Variants in PCDHGB1 observed in about 807,000 individuals in gnomAD.
PCDHGB1 encodes the protein protocadherin gamma subfamily B, 1.
PCDHGB1 carries 34 observed loss-of-function variants against 56.6 expected under a neutral mutation model. The ratio of observed to expected loss-of-function variants is 0.60; its 90% CI spans 0.46 to 0.80. PCDHGB1 has a LOEUF of 0.80. Among genes scored for constraint, PCDHGB1 ranks in the 30% least tolerant of loss-of-function variants. The pLI, the probability that PCDHGB1 is intolerant of heterozygous loss-of-function variation, is 0.00. For missense variants in PCDHGB1, 1,278 were observed against 1,204.6 expected (o/e 1.06, Z -0.90); for synonymous variants, 561 against 505.9 (o/e 1.11, Z -1.46).
rs2099417733 is a variant in PCDHGB1, at chr5:141,477,771, G to C, written c.2410-17036G>C. ...ACCCCGGTCCTAGCCACCAACATCAGCGTGAACATATTTGTCACTGATCGC... is the reference window on the plus strand; with the variant it reads ...ACCCCGGTCCTAGCCACCAACATCACCGTGAACATATTTGTCACTGATCGC... On this transcript the variant is annotated intron_variant, in intron 1 of 3. Transcript: ENST00000523390. This position sits in a 1 kb window ranked among gnomAD's most constrained non-coding sequence, Gnocchi z 4.9. 3 of 1,613,992 alleles carry C rather than the reference G, an allele frequency of 1.9e-6. No homozygotes were observed. The highest frequency in any genetic ancestry group is 3.3e-4 in the Middle Eastern group (2 of 6,062).
chr5:141,358,686 G>T (rs896155075), intron 1 of PCDHGB1, among the ~76,000 whole-genome samples: 1 of 152,120 alleles, frequency 6.6e-6, no homozygotes, highest in Non-Finnish European at 1.5e-5. Flanking sequence ...TGCTTATCAT[G>T]ACATCACTAT....
At chr5:141,399,380 T>A (rs1361218028) in intron 1 of PCDHGB1, 5 of 1,613,820 alleles carry the variant, frequency 3.1e-6, no homozygotes, top group Non-Finnish European at 4.2e-6. Context: ...AATGTCACCA[T>A]CACAGCCACA....
chr5:141,372,455 G>C, intron 1 of PCDHGB1: 1 of 1,614,060 alleles, frequency 6.2e-7, no homozygotes, highest in Non-Finnish European at 8.5e-7. Flanking sequence ...CTCAGGCGGA[G>C]CTACAGTTTC....
In PCDHGB1 at chr5:141,370,457, G is replaced by T. The variant is rs774974710; in HGVS notation, c.2409+17788G>T. 2.5e-6 allele frequency: 4 copies of T among 1,611,872 alleles called. No homozygotes were observed. In the South Asian group the frequency reaches 4.4e-5, roughly 18 times the overall value. ...AGAGGCGAATGCTATTTCTCTTCCT[G>T]CTCTCTTTGTTAGACCAGGCTCTCT... On this transcript the variant is annotated intron_variant, in intron 1 of 3. Transcript: ENST00000523390.
At chr5:141,384,411 T>C (rs751134591) in intron 1 of PCDHGB1, 7 of 1,613,860 alleles carry the variant, frequency 4.3e-6, no homozygotes, top group South Asian at 1.1e-5. Flanking sequence ...TGTCCTCCTA[T>C]GTCTCCATAA....
At chr5:141,388,274 G>A (rs1340999969) in intron 1 of PCDHGB1, 1 of 1,590,544 alleles carries the variant, frequency 6.3e-7, no homozygotes, top group African/African-American at 1.5e-5. Context: ...ATGACCACAC[G>A]CCAAAATTCA....
At chr5:141,360,845 A>G in intron 1 of PCDHGB1, 2 of 1,614,014 alleles carry the variant, frequency 1.2e-6, no homozygotes, top group Non-Finnish European at 1.7e-6. Context: ...GATGCCAACG[A>G]TAACCCTCCA....
chr5:141,400,007 C>G (rs907315450), intron 1 of PCDHGB1: 2 of 1,612,506 alleles, frequency 1.2e-6, no homozygotes, highest in African/African-American at 1.3e-5. Flanking sequence ...ACAGCGCGTG[C>G]CTTGGGCGAC....
chr5:141,359,485 A>G (rs1761228046), intron 1 of PCDHGB1, among the ~76,000 whole-genome samples: 2 of 151,316 alleles, frequency 1.3e-5, no homozygotes, highest in Non-Finnish European at 2.9e-5. Flanking sequence ...TTGTATATTC[A>G]TATTACGGAC....
At chr5:141,507,676 A>G (rs2099862523) in intron 3 of PCDHGB1, among the ~76,000 whole-genome samples, 1 of 152,252 alleles carries the variant, frequency 6.6e-6, no homozygotes, top group African/African-American at 2.4e-5. Flanking sequence ...TCCAGATGTT[A>G]AAAACAGAAA....
chr5:141,371,092 C>A, intron 1 of PCDHGB1: 1 of 1,613,802 alleles, frequency 6.2e-7, no homozygotes, highest in Non-Finnish European at 8.5e-7. Context: ...GTAATTGTCG[C>A]AGATGCAAAT....
intron 1 of PCDHGB1, chr5:141,361,229 T>C: frequency 6.2e-7 from 1 of 1,613,992 alleles, no homozygotes. Flanking sequence ...CCAGGAACAG[T>C]GATCGCCTTG....
chr5:141,383,170 G>A (rs1453801684), intron 1 of PCDHGB1: 2 of 1,614,008 alleles, frequency 1.2e-6, no homozygotes, highest in African/African-American at 2.7e-5. Flanking sequence ...GGGCAGGATA[G>A]ACCGGGAAGA....
intron 1 of PCDHGB1, chr5:141,402,911 C>T: frequency 1.3e-6 from 2 of 1,551,976 alleles, no homozygotes; most frequent in South Asian, 1.2e-5. Context: ...TGAAGCAGCG[C>T]GCACAGAGAT....
chr5:141,350,418 G>A lies in PCDHGB1; in HGVS notation c.158G>A (p.Gly53Glu), dbSNP rs895622982. 1.2e-6 allele frequency: 2 copies of A among 1,606,624 alleles called. No individual in the cohort carries two copies. Among genetic ancestry groups the A allele is most frequent in the Non-Finnish European group, 1.7e-6 (2 of 1,174,160 alleles). ...GTGGGGAAACTTGCCAAGGATCTGG[G>A]GCTCAGTGTCCGGGAGTTGCCAACT... Reference protein sequence around the residue: ...SRVGKLAKDLGLSVRELPTRK... With the variant: ...SRVGKLAKDLELSVRELPTRK... The change falls in exon 1 of 4, where the codon GGG becomes GAG. Residue 53 changes from glycine (G) to glutamate (E), a missense_variant. Physicochemically the swap from Gly to Glu is moderately conservative, Grantham distance 98. Coordinates refer to ENST00000523390, the MANE Select transcript of PCDHGB1 (RefSeq NM_018922.3).
chr5:141,408,061 G>C, intron 1 of PCDHGB1: 1 of 1,332,898 alleles, frequency 7.5e-7, no homozygotes, highest in Non-Finnish European at 1.0e-6. Flanking sequence ...CCTCCCGGCT[G>C]CGCAGACCTT....
At chr5:141,376,364 G>T in intron 1 of PCDHGB1, 1 of 1,614,202 alleles carries the variant, frequency 6.2e-7, no homozygotes, top group Non-Finnish European at 8.5e-7. Flanking sequence ...CTCACTCACT[G>T]CAGACTCGCG....
intron 1 of PCDHGB1, among the ~76,000 whole-genome samples, chr5:141,467,772 C>A (rs972304213): frequency 1.3e-5 from 2 of 151,686 alleles, no homozygotes; most frequent in Admixed American, 6.6e-5. Flanking sequence ...AGTGCCCGCA[C>A]CTCAGCCTCT....
At chr5:141,414,435 C>G (rs891322256) in intron 1 of PCDHGB1, 2 of 1,613,678 alleles carry the variant, frequency 1.2e-6, no homozygotes, top group African/African-American at 1.3e-5. Context: ...AACAGGTATC[C>G]TCTTACAATA....
Sources: gnomAD v4.1 joint callset for allele counts (sites outside exome capture counted in the v4.1 genomes callset) on GRCh38, gnomAD v4.1.1 for gene constraint, Gnocchi (gnomAD v3.1) non-coding constraint, MANE v1.5 for transcripts, NCBI Gene and HGNC (gene_info 2026-07-23, HGNC 2026-07-21) for gene names.